Variants in IL12A observed in about 807,000 individuals in gnomAD.
IL12A encodes interleukin 12A.
A neutral mutation model predicts 23.5 loss-of-function variants in IL12A; 16 were observed. The observed-to-expected ratio is 0.68, with a 90% CI of 0.46 to 1.03. IL12A has a LOEUF of 1.03. Among genes scored for constraint, IL12A ranks in the 50% least tolerant of loss-of-function variants. The pLI is 0.00. For missense variants in IL12A, 275 were observed against 307.0 expected, an observed-to-expected ratio of 0.90 and a Z score of 0.78; for synonymous variants, 106 against 111.5, an observed-to-expected ratio of 0.95 and a Z score of 0.31.
In IL12A at chr3:159,995,564, C is replaced by T. The variant is rs745993696; in HGVS notation, c.*5C>T. ...AGCTATCTGAATGCTTCCTAAAAAG[C>T]GAGGTCCCTCCAAACCGTTGTCATT... On this transcript the variant is annotated 3_prime_UTR_variant, in exon 7 of 7. Transcript: ENST00000305579. 8 of 1,575,516 alleles carry T rather than the reference C, an allele frequency of 5.1e-6. No homozygotes were observed. Among genetic ancestry groups the T allele is most frequent in the Admixed American group, 1.9e-5 (1 of 52,496 alleles).
intron 3 of IL12A, 106 bp from the exon 4 acceptor site, chr3:159,993,342 AAAT>A (rs1455917439): frequency 1.2e-6 from 1 of 843,422 alleles, no homozygotes; most frequent in Admixed American, 2.7e-5. Context: ...TTCAGATGCT[AAAT>A]ATTATGATAT....
At position 159,993,466 on chromosome 3, in the gene IL12A, A is replaced by T; in HGVS notation, c.394A>T (p.Asn132Tyr). 6.2e-7 allele frequency: 1 copy of T among 1,612,274 alleles called. No individual in the cohort carries two copies. The highest frequency in any genetic ancestry group is 8.5e-7 in the Non-Finnish European group (1 of 1,178,402). ...TTCCCTCTAGAATGAGAGTTGCCTA[A>T]ATTCCAGAGAGACCTCTTTCATAAC... Residue 132 changes from asparagine to tyrosine, a missense_variant, in exon 4 of 7, where the codon AAT becomes TAT. Asn to Tyr is a moderately radical substitution (Grantham distance 143, BLOSUM62 -2). Coordinates refer to ENST00000305579, the MANE Select transcript of IL12A (RefSeq NM_000882.4).
rs1159385140 is a variant in IL12A at position 159,990,172 on chromosome 3, C to T, written c.124C>T (p.Leu42Phe). 1 of 1,614,054 alleles carries T rather than the reference C, an allele frequency of 6.2e-7. No homozygotes were observed. Among genetic ancestry groups the T allele is most frequent in the Admixed American group, 1.7e-5 (1 of 60,004 alleles). Residue 42 changes from leucine to phenylalanine, a missense_variant, in exon 2 of 7, where the codon CTC becomes TTC. Coordinates refer to ENST00000305579, the MANE Select transcript of IL12A (RefSeq NM_000882.4). ...CCTGCTCCTCTTCCTTCCAGGCCTC[C>T]TCCTTGTGGCTACCCTGGTCCTCCT...
In IL12A at chr3:159,993,058, A is replaced by G. The variant is rs767956212; in HGVS notation, c.311A>G (p.Asp104Gly). 2 of 1,610,942 alleles carry G rather than the reference A, an allele frequency of 1.2e-6. No homozygotes were observed. The highest frequency in any genetic ancestry group is 2.2e-5 in the South Asian group (2 of 90,998). Residue 104 changes from aspartate (D) to glycine (G), a missense_variant, in exon 3 of 7, where the codon GAT (aspartate) becomes GGT (glycine). Asp to Gly is a moderately conservative substitution (Grantham distance 94, BLOSUM62 -1). Transcript: ENST00000305579. Reference sequence around the variant, plus strand: ...TACCCTTGCACTTCTGAAGAGATTGATCATGAAGATATCACAAAAGATAAA... The same window carrying G: ...TACCCTTGCACTTCTGAAGAGATTGGTCATGAAGATATCACAAAAGATAAA...
At chr3:159,993,252 A>T (rs1311311146) in intron 3 of IL12A, 127 bp downstream of exon 3, 1 of 735,490 alleles carries the variant, frequency 1.4e-6, no homozygotes, top group East Asian at 2.6e-5. Flanking sequence ...CTACTTCAGA[A>T]GTTAGATTTG....
At chr3:159,991,122 A>G (rs1720293542) in intron 2 of IL12A, among the ~76,000 whole-genome samples, 1 of 152,198 alleles carries the variant, frequency 6.6e-6, no homozygotes, top group Non-Finnish European at 1.5e-5. Flanking sequence ...TCACAATTCA[A>G]TTAATCTTAA....
chr3:159,992,684 GA>G, intron 2 of IL12A, among the ~76,000 whole-genome samples: 1 of 152,206 alleles, frequency 6.6e-6, no homozygotes, highest in Non-Finnish European at 1.5e-5. Context: ...AGCAAAAGAA[GA>G]AACAATTTTC....
Position 159,993,459 on chromosome 3 carries a change from T to G in IL12A, c.387T>G (p.Ser129Arg). Residue 129 changes from serine (S) to arginine (R), a missense_variant, in exon 4 of 7, where the codon AGT (serine) becomes AGG (arginine). Physicochemically the swap from Ser to Arg is moderately radical, Grantham distance 110. Transcript: ENST00000305579. Reference sequence around the variant, plus strand: ...TGATTTTTTCCCTCTAGAATGAGAGTTGCCTAAATTCCAGAGAGACCTCTT... The same window carrying G: ...TGATTTTTTCCCTCTAGAATGAGAGGTGCCTAAATTCCAGAGAGACCTCTT... The G allele has an allele frequency of 1.9e-6, 3 of 1,610,614 alleles. No individual in the cohort carries two copies. Among genetic ancestry groups the G allele is most frequent in the Non-Finnish European group, 2.5e-6 (3 of 1,176,994 alleles).
At chr3:159,989,284 C>G in intron 1 of IL12A, 110 bp downstream of exon 1, 1 of 794,652 alleles carries the variant, frequency 1.3e-6, no homozygotes, top group Non-Finnish European at 2.1e-6. Context: ...GGAACAGCAG[C>G]AGCCGTCTCC....
intron 2 of IL12A, among the ~76,000 whole-genome samples, chr3:159,990,815 G>A (rs963951032): frequency 3.3e-5 from 5 of 152,266 alleles, no homozygotes; most frequent in African/African-American, 1.2e-4. Context: ...TGCACATGCA[G>A]CCTTCATTTT....
intron 6 of IL12A, 49 bp from the exon 7 acceptor site, chr3:159,995,355 T>G: frequency 2.1e-6 from 3 of 1,442,620 alleles, no homozygotes; most frequent in Non-Finnish European, 9.3e-7. Context: ...GAATGAATAT[T>G]TGAATTTTGG....
intron 6 of IL12A, among the ~76,000 whole-genome samples, chr3:159,994,076 G>A (rs994059308): frequency 6.6e-6 from 1 of 152,096 alleles, no homozygotes; most frequent in African/African-American, 2.4e-5. Context: ...CCCCACACTC[G>A]GCAAATGTTT....
Position 159,995,491 on chromosome 3 carries a change from C to A in IL12A, c.694C>A (p.Leu232Ile). 1 of 1,608,964 alleles carries A rather than the reference C, an allele frequency of 6.2e-7. No individual in the cohort carries two copies. The highest frequency in any genetic ancestry group is 1.1e-5 in the South Asian group (1 of 89,752). The change falls in exon 7 of 7, where the codon CTT (leucine) becomes ATT (isoleucine). Residue 232 changes from leucine to isoleucine, a missense_variant. Physicochemically the swap from Leu to Ile is conservative, Grantham distance 5. Transcript: ENST00000305579. ...TAAAACTAAAATCAAGCTCTGCATA[C>A]TTCTTCATGCTTTCAGAATTCGGGC... is the stretch of plus-strand genomic sequence containing the variant.
rs373436847 is a variant in IL12A, at chr3:159,990,005, CTCGAG to C, written c.119-159_119-155del. Reference sequence around the variant, plus strand: ...AGAATAGAGTGGCGCTTTGTAATAACTCGAGTCATCTCTCAGGTGTTGAAGGAAAA... The same window carrying C: ...AGAATAGAGTGGCGCTTTGTAATAACTCATCTCTCAGGTGTTGAAGGAAAA... On this transcript the variant is annotated intron_variant, in intron 1 of 6. Coordinates refer to ENST00000305579, the MANE Select transcript of IL12A (RefSeq NM_000882.4). 5.4e-3 allele frequency among the ~76,000 whole-genome samples: 822 copies of C among 152,214 alleles called. 10 individuals carry two copies. The highest frequency in any genetic ancestry group is 0.018 in the African/African-American group (750 of 41,528).
intron 2 of IL12A, among the ~76,000 whole-genome samples, chr3:159,991,952 G>C (rs1720330444): frequency 6.6e-6 from 1 of 152,218 alleles, no homozygotes; most frequent in East Asian, 1.9e-4. Flanking sequence ...TCTTAGATCA[G>C]CTGATTAGCA....
chr3:159,993,121 C>A lies in IL12A; in HGVS notation c.374C>A (p.Thr125Asn). 1 of 1,523,292 alleles carries A rather than the reference C, an allele frequency of 6.6e-7. No individual in the cohort carries two copies. Among genetic ancestry groups the A allele is most frequent in the Non-Finnish European group, 9.1e-7 (1 of 1,098,010 alleles). The allele number at this position is 1,523,292 out of a possible 1,614,324, so 94.4% of individuals were successfully genotyped here. ...GAGGCCTGTTTACCATTGGAATTAA[C>A]CAAGGTATAAAGGATTTTCCTCCCA... Residue 125 changes from threonine (T) to asparagine (N), a missense_variant, in exon 3 of 7, where the codon ACC (threonine) becomes AAC (asparagine). Coordinates refer to ENST00000305579, the MANE Select transcript of IL12A (RefSeq NM_000882.4).
Position 159,993,021 on chromosome 3 carries a change from ACT to A in IL12A, c.277_278del (p.Leu93ArgfsTer8). 1.3e-6 allele frequency: 2 copies of A among 1,586,968 alleles called. No homozygotes were observed. Among genetic ancestry groups the A allele is most frequent in the Non-Finnish European group, 1.7e-6 (2 of 1,155,924 alleles). On this transcript the variant is annotated frameshift_variant, in exon 3 of 7. Transcript: ENST00000305579. LOFTEE classifies it high-confidence loss of function. ...CCTTCATTTTTTATAGGCCAGACAAACTCTAGAATTTTACCCTTGCACTTCTG... is the reference window on the plus strand; with the variant it reads ...CCTTCATTTTTTATAGGCCAGACAAACTAGAATTTTACCCTTGCACTTCTG...
intron 6 of IL12A, 77 bp downstream of exon 6, chr3:159,993,921 TAA>T: frequency 6.7e-7 from 1 of 1,488,368 alleles, no homozygotes; most frequent in Non-Finnish European, 9.2e-7. Flanking sequence ...TAAAGAGATA[TAA>T]AAAGAGGTCT....
chr3:159,989,305 A>G, intron 1 of IL12A, 131 bp downstream of exon 1: 1 of 713,524 alleles, frequency 1.4e-6, no homozygotes, highest in Non-Finnish European at 2.4e-6. Flanking sequence ...TGCAAAGAGG[A>G]ATAAGAATAG....
Sources: gnomAD v4.1 joint callset for allele counts (sites outside exome capture counted in the v4.1 genomes callset) on GRCh38, gnomAD v4.1.1 for gene constraint, MANE v1.5 for transcripts, NCBI Gene and HGNC (gene_info 2026-07-23, HGNC 2026-07-21) for gene names.